Variants in ARHGAP32 observed in about 807,000 individuals in gnomAD.
ARHGAP32 encodes the protein Rho GTPase activating protein 32, also known as rho GTPase-activating protein 32.
In ARHGAP32, 51 loss-of-function variants were observed where a neutral mutation model predicts 186.5. The ratio of observed to expected loss-of-function variants is 0.27; its 90% CI spans 0.22 to 0.35. The LOEUF (loss-of-function observed/expected upper bound fraction) is 0.35, where lower values mean the gene tolerates loss of function less well. ARHGAP32 is among the 10% of genes least tolerant of loss of function. The pLI, the probability that ARHGAP32 is intolerant of heterozygous loss-of-function variation, is 1.00. For synonymous variants in ARHGAP32, 950 were observed against 964.3 expected (o/e 0.99, Z 0.27); for missense variants, 2,186 against 2,623.5 (o/e 0.83, Z 3.64).
At chr11:129,086,110 G>A (rs1304717668) in intron 6 of ARHGAP32, among the ~76,000 whole-genome samples, 2 of 150,828 alleles carry the variant, frequency 1.3e-5, no homozygotes, top group Non-Finnish European at 2.9e-5. Flanking sequence ...GCAGAATAGA[G>A]AGCCCAGAAA....
intron 5 of ARHGAP32, among the ~76,000 whole-genome samples, chr11:129,107,468 T>A (rs1294514933): frequency 6.6e-6 from 1 of 152,226 alleles, no homozygotes; most frequent in Non-Finnish European, 1.5e-5. Flanking sequence ...TTGCTTTCTA[T>A]GTTATTTAAA....
chr11:129,256,200 A>G (rs1163563502), intron 1 of ARHGAP32, among the ~76,000 whole-genome samples: 1 of 152,182 alleles, frequency 6.6e-6, no homozygotes, highest in Non-Finnish European at 1.5e-5. Flanking sequence ...CTTCTTGATC[A>G]GATGCTAGTC....
intron 11 of ARHGAP32, among the ~76,000 whole-genome samples, chr11:129,023,239 A>C (rs192230696): frequency 2.6e-5 from 4 of 152,186 alleles, no homozygotes; most frequent in Non-Finnish European, 4.4e-5. Context: ...TAGTGGTAAA[A>C]TCTCTGAGAT....
intron 11 of ARHGAP32, among the ~76,000 whole-genome samples, chr11:129,018,271 A>G (rs973295393): frequency 6.6e-6 from 1 of 152,190 alleles, no homozygotes; most frequent in Non-Finnish European, 1.5e-5. Flanking sequence ...AAATGTAAGA[A>G]TACTGTAAAC....
intron 2 of ARHGAP32, among the ~76,000 whole-genome samples, chr11:129,161,983 C>A (rs1047980230): frequency 3.9e-5 from 6 of 152,310 alleles, no homozygotes; most frequent in Middle Eastern, 3.4e-3. Context: ...AAGATGAGTT[C>A]TTGTCCTTTG....
At chr11:128,993,479 T>G (rs1227802309) in intron 12 of ARHGAP32, 2 of 151,770 alleles carry the variant, frequency 1.3e-5, no homozygotes, top group Non-Finnish European at 2.9e-5. Context: ...ATATTATATA[T>G]ACTGTATGTG....
At chr11:129,087,114 G>A (rs1941431214) in intron 6 of ARHGAP32, among the ~76,000 whole-genome samples, 1 of 152,188 alleles carries the variant, frequency 6.6e-6, no homozygotes, top group African/African-American at 2.4e-5. Flanking sequence ...AGGATGTAGA[G>A]CAACAGGAAC....
chr11:129,082,419 G>A (rs945210965), intron 6 of ARHGAP32, among the ~76,000 whole-genome samples: 1 of 151,978 alleles, frequency 6.6e-6, no homozygotes, highest in Admixed American at 6.5e-5. Context: ...ACAGACCAAC[G>A]GAACAACAGA....
exon 1 of ARHGAP32, chr11:129,279,213 T>G: frequency 7.7e-6 from 1 of 130,146 alleles, no homozygotes; most frequent in South Asian, 2.1e-4. Flanking sequence ...GTGTCTGCCC[T>G]CCGCGGGCCG....
intron 12 of ARHGAP32, among the ~76,000 whole-genome samples, chr11:128,994,719 T>C (rs1026187399): frequency 6.6e-6 from 1 of 152,220 alleles, no homozygotes; most frequent in African/African-American, 2.4e-5. Flanking sequence ...AACCATTTTA[T>C]TTCCTAATTT....
At position 128,970,455 on chromosome 11, in the gene ARHGAP32, T is replaced by G; in HGVS notation, c.4758A>C (p.Glu1586Asp). The G allele has an allele frequency of 6.2e-7, 1 of 1,614,168 alleles. No individual in the cohort carries two copies. Among genetic ancestry groups the G allele is most frequent in the Non-Finnish European group, 8.5e-7 (1 of 1,180,040 alleles). ...GGATGGTAGGGTACGGTGGAATGTC[T>G]TCGGGGTAACAGGTATTCCTGACAG... Reference protein sequence around the residue: ...SSSVRNTCYPEDIPPYPTIRR... With the variant: ...SSSVRNTCYPDDIPPYPTIRR... Residue 1586 changes from glutamate to aspartate, a missense_variant, in exon 23 of 23, where the codon GAA (glutamate) becomes GAC (aspartate). Glu to Asp is a conservative substitution (Grantham distance 45). Around this residue, in one of 5 missense-constraint regions of ARHGAP32, gnomAD observed 1,502 missense variants for 1,570.0 expected, o/e 0.96. Transcript: ENST00000682385. The surrounding 1 kb of genome is among the most constrained non-coding windows in gnomAD (Gnocchi z 5.8).
chr11:129,084,704 T>C (rs1309904886), intron 6 of ARHGAP32, among the ~76,000 whole-genome samples: 1 of 152,192 alleles, frequency 6.6e-6, no homozygotes, highest in Non-Finnish European at 1.5e-5. Context: ...AACATCATAC[T>C]TAATGGTGAC....
intron 2 of ARHGAP32, among the ~76,000 whole-genome samples, chr11:129,126,981 C>T (rs1476110433): frequency 1.3e-5 from 2 of 152,100 alleles, no homozygotes; most frequent in Non-Finnish European, 2.9e-5. Context: ...CTGTATTGTT[C>T]ATAAATTGAC....
rs56810685 is a variant in ARHGAP32 at position 129,038,888 on chromosome 11, GAAAAAAAA to G, written c.1045+2032_1045+2039del. ...TGGTGACAAAGAAAGACCCTGTCTC[GAAAAAAAA>G]AAAAAAAAAAAGAAAAAGAAAAAAG... On this transcript the variant is annotated intron_variant, in intron 11 of 22. Coordinates refer to ENST00000682385, the MANE Select transcript of ARHGAP32 (RefSeq NM_001378024.1). Among the ~76,000 whole-genome samples the G allele has an allele frequency of 1.9e-3, 176 of 92,194 alleles. 3 individuals are homozygous for G. The highest frequency in any genetic ancestry group is 7.0e-3 in the African/African-American group (164 of 23,272). The allele number at this position is 92,194 out of a possible 152,430, so 60.5% of individuals were successfully genotyped here.
chr11:129,193,593 T>C (rs1944326164), upstream of ARHGAP32, among the ~76,000 whole-genome samples: 1 of 49,816 alleles, frequency 2.0e-5, no homozygotes, highest in Non-Finnish European at 3.6e-5. Flanking sequence ...ATATAATATA[T>C]GTTATATATA....
chr11:129,040,998 G>C lies in ARHGAP32; in HGVS notation c.975C>G (p.Phe325Leu). 6.3e-7 allele frequency: 1 copy of C among 1,596,686 alleles called. No homozygotes were observed. The highest frequency in any genetic ancestry group is 8.5e-7 in the Non-Finnish European group (1 of 1,170,846). ...RGKHGFQVGL[F>L]PGHCVELINQ... The stretch of plus-strand genomic sequence containing the variant: ...TAATTAACTCAACACAGTGTCCAGG[G>C]AAGAGTCCCACCTGATGAAAAGCAA... Residue 325 changes from phenylalanine (F) to leucine (L), a missense_variant, in exon 11 of 23, where the codon TTC becomes TTG. By Grantham distance (22) the Phe-to-Leu change is conservative. Transcript: ENST00000682385.
intron 2 of ARHGAP32, among the ~76,000 whole-genome samples, chr11:129,145,636 T>C (rs1321587584): frequency 1.3e-5 from 2 of 152,128 alleles, no homozygotes; most frequent in African/African-American, 4.8e-5. Context: ...GCTTGAAATA[T>C]AGTTTTCAGT....
At chr11:129,113,215 T>C (rs537865580) in intron 5 of ARHGAP32, among the ~76,000 whole-genome samples, 3 of 152,300 alleles carry the variant, frequency 2.0e-5, no homozygotes, top group Non-Finnish European at 4.4e-5. Flanking sequence ...GATCACTTTT[T>C]ACTGCAATAC....
Position 128,966,787 on chromosome 11 carries a change from A to T in ARHGAP32, c.*2120T>A, listed in dbSNP as rs887492410. ...ACAGCAGCCCCTCTTCCTAATCTCC[A>T]TGCTGCTGGTGAGAACTTACAGGGC... On this transcript the variant is annotated 3_prime_UTR_variant, in exon 23 of 23. Transcript: ENST00000682385. 1 of 152,028 alleles carries T rather than the reference A, an allele frequency of 6.6e-6. No homozygotes were observed. Among genetic ancestry groups the T allele is most frequent in the African/African-American group, 2.4e-5 (1 of 41,378 alleles). 9.4% of individuals were successfully genotyped at this position (152,028 alleles called of 1,614,324 possible).
Sources: allele counts gnomAD v4.1 joint callset (sites outside exome capture counted in the v4.1 genomes callset), GRCh38; gene constraint gnomAD v4.1.1; regional missense constraint gnomAD v4.1.1; non-coding constraint Gnocchi (gnomAD v3.1); transcripts MANE v1.5; gene names NCBI Gene and HGNC (gene_info 2026-07-23, HGNC 2026-07-21).